The following MACROD2 variants were observed in gnomAD, a reference collection of about 807,000 sequenced individuals.
MACROD2 encodes the protein ADP-ribose glycohydrolase MACROD2.
Under a neutral mutation model 70.4 loss-of-function variants are expected in MACROD2, and 36 were observed. The ratio of observed to expected loss-of-function variants is 0.51; its 90% CI spans 0.39 to 0.68. The LOEUF is 0.68. Ranked by LOEUF, MACROD2 falls within the 30% of genes least tolerant of loss-of-function variation. MACROD2 has a pLI of 0.00. For missense variants in MACROD2, 496 were observed against 538.4 expected (o/e 0.92, Z 0.78); for synonymous variants, 172 against 178.8 (o/e 0.96, Z 0.30).
chr20:15,052,604 C>T (rs1162312044), intron 5 of MACROD2, among the ~76,000 whole-genome samples: 3 of 152,282 alleles, frequency 2.0e-5, no homozygotes, highest in African/African-American at 4.8e-5. Context: ...GTGTGTGCTC[C>T]GACTGCTCCA....
rs184510535 is a variant in MACROD2, at chr20:14,816,752, G to T, written c.418+131793G>T. On this transcript the variant is annotated intron_variant, in intron 5 of 17. Coordinates refer to ENST00000684519, the MANE Select transcript of MACROD2 (RefSeq NM_001351661.2). ...GCATGTTATTATTGACTACATTCAG[G>T]TATAGTTGGACAAATTGGGTAATGG... Among the ~76,000 whole-genome samples the T allele has an allele frequency of 9.9e-4, 151 of 152,008 alleles. 2 individuals carry two copies. The highest frequency in any genetic ancestry group is 5.8e-4 in the East Asian group (3 of 5,178).
intron 3 of MACROD2, among the ~76,000 whole-genome samples, chr20:14,408,001 C>A (rs929610373): frequency 6.6e-6 from 1 of 152,098 alleles, no homozygotes; most frequent in Non-Finnish European, 1.5e-5. Flanking sequence ...TGAAACCAGA[C>A]TGTATGGGTT....
At position 16,053,163 on chromosome 20, in the gene MACROD2, T is replaced by C. The variant is rs1204689360; in HGVS notation, c.*3287T>C. On this transcript the variant is annotated 3_prime_UTR_variant, in exon 18 of 18. Coordinates refer to ENST00000684519, the MANE Select transcript of MACROD2 (RefSeq NM_001351661.2). ...TCATACTATATTTGTTAGAGCAGAA[T>C]ACAAATAAAATTTGTTTGAGAGGAT... 1 of 95,294 alleles carries C rather than the reference T, an allele frequency of 1.0e-5. No homozygotes were observed. Among genetic ancestry groups the C allele is most frequent in the Non-Finnish European group, 2.6e-5 (1 of 38,728 alleles). 5.9% of individuals were successfully genotyped at this position (95,294 alleles called of 1,614,324 possible). A position where few individuals can be genotyped will look rare whatever the true frequency, so the allele number is the denominator to read the frequency against.
rs1011328649 is a variant in MACROD2 at position 15,214,315 on chromosome 20, A to G, written c.419-15625A>G. The stretch of plus-strand genomic sequence containing the variant: ...TTTCTCAGAACCTAAGAACTAAGTG[A>G]GGACTCCAAGAATATTCCATGGACT... On this transcript the variant is annotated intron_variant, in intron 5 of 17. Coordinates refer to ENST00000684519, the MANE Select transcript of MACROD2 (RefSeq NM_001351661.2). 4.6e-5 allele frequency among the ~76,000 whole-genome samples: 7 copies of G among 152,146 alleles called. No individual in the cohort carries two copies. The South Asian group carries it at 1.2e-3, about 27-fold the overall frequency.
chr20:14,002,345 T>A lies in MACROD2; in HGVS notation c.104T>A (p.Ile35Asn). The A allele has an allele frequency of 6.2e-7, 1 of 1,611,122 alleles. No individual in the cohort carries two copies. The highest frequency in any genetic ancestry group is 8.5e-7 in the Non-Finnish European group (1 of 1,178,786). The change falls in exon 2 of 18, where the codon ATT becomes AAT. Residue 35 changes from isoleucine (I) to asparagine (N), a missense_variant. By Grantham distance (149) the Ile-to-Asn change is moderately radical (BLOSUM62 -3). Transcript: ENST00000684519. ...CGCAAAGAATACCTAAGAGACTATA[T>A]TCCCCTGAACAGCATTCTATCATGG... is the stretch of plus-strand genomic sequence containing the variant. ...ERRKEYLRDY[I>N]PLNSILSWKE...
At chr20:14,753,080 C>A (rs1003067873) in intron 5 of MACROD2, among the ~76,000 whole-genome samples, 3 of 152,060 alleles carry the variant, frequency 2.0e-5, no homozygotes, top group African/African-American at 7.3e-5. Context: ...ACGTGCACAT[C>A]CTCCCTGTCT....
chr20:14,818,365 C>T (rs998604650), intron 5 of MACROD2, among the ~76,000 whole-genome samples: 4 of 152,088 alleles, frequency 2.6e-5, no homozygotes, highest in African/African-American at 9.7e-5. Flanking sequence ...TCTGGAGTGG[C>T]TTTGGCTCTT....
intron 5 of MACROD2, among the ~76,000 whole-genome samples, chr20:15,032,919 A>C (rs1262033632): frequency 2.0e-5 from 3 of 152,254 alleles, no homozygotes; most frequent in African/African-American, 7.2e-5. Context: ...ATTCTGTTAT[A>C]TGCCATGGAT....
chr20:14,998,990 T>A (rs2074972330), intron 5 of MACROD2, among the ~76,000 whole-genome samples: 1 of 152,178 alleles, frequency 6.6e-6, no homozygotes. Context: ...ATATTTAAAG[T>A]GCTGAAGGCA....
At chr20:14,356,505 T>C (rs1222968030) in intron 3 of MACROD2, among the ~76,000 whole-genome samples, 2 of 134,126 alleles carry the variant, frequency 1.5e-5, no homozygotes, top group South Asian at 2.4e-4. Flanking sequence ...TTTCTTTTTT[T>C]TTTTTTTTTT....
chr20:14,795,844 G>A (rs1296758785), intron 5 of MACROD2, among the ~76,000 whole-genome samples: 2 of 152,024 alleles, frequency 1.3e-5, no homozygotes, highest in Admixed American at 1.3e-4. Flanking sequence ...AGGTCAGAAG[G>A]AAAGCAGGAG....
intron 5 of MACROD2, among the ~76,000 whole-genome samples, chr20:14,962,097 C>T (rs1039881578): frequency 6.6e-6 from 1 of 152,146 alleles, no homozygotes; most frequent in African/African-American, 2.4e-5. Context: ...CCCACGTTGG[C>T]CTCCCGAGTA....
At chr20:15,552,256 T>A (rs1216697202) in intron 8 of MACROD2, 1 of 152,198 alleles carries the variant, frequency 6.6e-6, no homozygotes, top group Admixed American at 6.5e-5. Flanking sequence ...CGTGCATAGA[T>A]GTTCACAGTC....
At chr20:14,817,745 C>T (rs2072789957) in intron 5 of MACROD2, among the ~76,000 whole-genome samples, 1 of 152,108 alleles carries the variant, frequency 6.6e-6, no homozygotes, top group African/African-American at 2.4e-5. Flanking sequence ...TGGTTTAAAA[C>T]CATGTCTCAG....
chr20:14,816,367 T>G (rs1408322427), intron 5 of MACROD2, among the ~76,000 whole-genome samples: 1 of 152,034 alleles, frequency 6.6e-6, no homozygotes, highest in African/African-American at 2.4e-5. Flanking sequence ...ATTCCTAACA[T>G]TTTAAGGATA....
intron 9 of MACROD2, among the ~76,000 whole-genome samples, chr20:15,883,539 T>G (rs1043490206): frequency 3.9e-5 from 6 of 152,078 alleles, no homozygotes; most frequent in African/African-American, 7.2e-5. Flanking sequence ...AGAATTGCCT[T>G]TCTAAAACCT....
chr20:15,572,950 A>G (rs143426737), intron 8 of MACROD2, among the ~76,000 whole-genome samples: 15 of 152,300 alleles, frequency 9.8e-5, no homozygotes, highest in African/African-American at 3.6e-4. Context: ...CTTATTACAA[A>G]ATAGAACCAA....
intron 3 of MACROD2, among the ~76,000 whole-genome samples, chr20:14,492,589 TA>T (rs1428009590): frequency 6.6e-6 from 1 of 152,120 alleles, no homozygotes; most frequent in Non-Finnish European, 1.5e-5. Flanking sequence ...TTTCCTAAAT[TA>T]TTTTTTTAGT....
At chr20:14,338,117 C>T (rs73266946) in intron 3 of MACROD2, among the ~76,000 whole-genome samples, 3,069 of 152,242 alleles carry the variant, frequency 0.02, 98 homozygotes, top group African/African-American at 0.071. Context: ...ATATATACAT[C>T]AGGGCTGGGT....
Sources: gnomAD v4.1 joint callset for allele counts (sites outside exome capture counted in the v4.1 genomes callset) on GRCh38, gnomAD v4.1.1 for gene constraint, MANE v1.5 for transcripts, NCBI Gene and HGNC (gene_info 2026-07-23, HGNC 2026-07-21) for gene names.